Variants in SLC25A21 observed in about 807,000 individuals in gnomAD.
SLC25A21 encodes the protein mitochondrial 2-oxodicarboxylate carrier.
Under a neutral mutation model 43.8 loss-of-function variants are expected in SLC25A21, and 47 were observed. That is an observed-to-expected ratio of 1.07 (90% CI 0.85 to 1.37). The LOEUF is 1.37. SLC25A21 is among the 40% of genes most tolerant of loss of function. SLC25A21 has a pLI of 0.00. For synonymous variants in SLC25A21, 131 were observed against 121.3 expected (o/e 1.08, Z -0.52); for missense variants, 352 against 350.2 (o/e 1.00, Z -0.04).
chr14:36,943,816 C>T (rs188601732), intron 1 of SLC25A21, among the ~76,000 whole-genome samples: 11 of 152,210 alleles, frequency 7.2e-5, no homozygotes, highest in Admixed American at 5.9e-4. Flanking sequence ...TCTTATACCA[C>T]CTAACTGGGC....
At chr14:37,001,339 T>A (rs564789705) in intron 1 of SLC25A21, among the ~76,000 whole-genome samples, 1 of 152,148 alleles carries the variant, frequency 6.6e-6, no homozygotes, top group African/African-American at 2.4e-5. Context: ...CTGTAAGAAA[T>A]AGTATTATCA....
At chr14:37,039,288 A>G (rs547863400) in intron 1 of SLC25A21, among the ~76,000 whole-genome samples, 61 of 152,320 alleles carry the variant, frequency 4.0e-4, no homozygotes, top group African/African-American at 1.4e-3. Flanking sequence ...CAGACTGCAT[A>G]TATTTGAAAC....
At chr14:36,793,705 C>T (rs979574921) in intron 3 of SLC25A21, among the ~76,000 whole-genome samples, 1 of 151,936 alleles carries the variant, frequency 6.6e-6, no homozygotes, top group Non-Finnish European at 1.5e-5. Context: ...CTCAAAAATC[C>T]ACGTGCAGTT....
intron 1 of SLC25A21, among the ~76,000 whole-genome samples, chr14:37,142,022 G>T (rs1594814127): frequency 6.6e-6 from 1 of 152,162 alleles, no homozygotes; most frequent in Non-Finnish European, 1.5e-5. Context: ...TGATCCTAAA[G>T]TGTAGTCAAG....
chr14:36,848,786 C>T (rs938380562), intron 2 of SLC25A21, among the ~76,000 whole-genome samples: 1 of 152,174 alleles, frequency 6.6e-6, no homozygotes, highest in African/African-American at 2.4e-5. Flanking sequence ...TCAAGCAGAA[C>T]CTCATTTCCT....
At chr14:37,092,401 T>C (rs940976359) in intron 1 of SLC25A21, among the ~76,000 whole-genome samples, 5 of 152,220 alleles carry the variant, frequency 3.3e-5, no homozygotes, top group Non-Finnish European at 7.3e-5. Context: ...TTTGCTGTAG[T>C]GGACAGTAGT....
chr14:36,810,509 AG>A (rs1182000063), intron 3 of SLC25A21, among the ~76,000 whole-genome samples: 3 of 152,182 alleles, frequency 2.0e-5, no homozygotes, highest in African/African-American at 7.2e-5. Context: ...TTATCAACGT[AG>A]GGCATTTAGG....
At chr14:37,007,600 AAATAAT>A (rs140657266) in intron 1 of SLC25A21, among the ~76,000 whole-genome samples, 1 of 148,046 alleles carries the variant, frequency 6.8e-6, no homozygotes, top group African/African-American at 2.5e-5. Context: ...TCCCTCTCAA[AAATAAT>A]AATAATAATA....
At chr14:36,742,374 G>A (rs1299161115) in intron 3 of SLC25A21, among the ~76,000 whole-genome samples, 1 of 152,130 alleles carries the variant, frequency 6.6e-6, no homozygotes, top group Non-Finnish European at 1.5e-5. Context: ...GATGGATCGT[G>A]TATCCCAGAC....
intron 1 of SLC25A21, among the ~76,000 whole-genome samples, chr14:36,990,560 C>T (rs556873914): frequency 3.9e-5 from 6 of 152,134 alleles, no homozygotes; most frequent in African/African-American, 7.2e-5. Context: ...TTCCAAAGTA[C>T]AAAATATTAC....
chr14:36,761,578 A>T lies in SLC25A21; in HGVS notation c.204-27005T>A, dbSNP rs1886158857. 1.3e-5 allele frequency among the ~76,000 whole-genome samples: 2 copies of T among 152,242 alleles called. 1 individual carries two copies. The highest frequency in any genetic ancestry group is 4.1e-4 in the South Asian group (2 of 4,832). The stretch of plus-strand genomic sequence containing the variant: ...ACTACATTTTGTTGATAAAGTAACA[A>T]GCCAGTAATCTTAACTGGAGCCAGC... On this transcript the variant is annotated intron_variant, in intron 3 of 9. Coordinates refer to ENST00000331299, the MANE Select transcript of SLC25A21 (RefSeq NM_030631.4).
intron 1 of SLC25A21, among the ~76,000 whole-genome samples, chr14:37,071,544 T>C (rs537103286): frequency 1.1e-4 from 16 of 152,306 alleles, no homozygotes; most frequent in Middle Eastern, 3.4e-3. Context: ...CTTAACACTA[T>C]GTTTTTGATA....
chr14:36,848,979 T>C (rs1364417617), intron 2 of SLC25A21, among the ~76,000 whole-genome samples: 1 of 152,196 alleles, frequency 6.6e-6, no homozygotes, highest in South Asian at 2.1e-4. Flanking sequence ...AGATGATTCA[T>C]GGTAAACTTT....
intron 1 of SLC25A21, among the ~76,000 whole-genome samples, chr14:36,999,415 G>A (rs565187822): frequency 2.0e-5 from 3 of 152,190 alleles, no homozygotes; most frequent in South Asian, 4.1e-4. Context: ...GTGATTTTAG[G>A]GCAGTGAAAA....
intron 3 of SLC25A21, among the ~76,000 whole-genome samples, chr14:36,741,804 TAGG>T (rs1594542604): frequency 6.6e-6 from 1 of 152,116 alleles, no homozygotes; most frequent in East Asian, 1.9e-4. Context: ...AAGCATGAAA[TAGG>T]AGCGACAGGG....
intron 1 of SLC25A21, among the ~76,000 whole-genome samples, chr14:36,946,604 T>G (rs939890736): frequency 2.0e-5 from 3 of 152,192 alleles, no homozygotes; most frequent in African/African-American, 4.8e-5. Context: ...ATCTTAATGT[T>G]AAATACCAGG....
At chr14:36,838,830 A>G (rs74047021) in intron 2 of SLC25A21, among the ~76,000 whole-genome samples, 1,673 of 152,214 alleles carry the variant, frequency 0.011, 20 homozygotes, top group African/African-American at 0.038. Flanking sequence ...GTAGAAACAC[A>G]CCTTTCTCCC....
chr14:37,099,413 T>C (rs1962773735), intron 1 of SLC25A21, among the ~76,000 whole-genome samples: 6 of 152,150 alleles, frequency 3.9e-5, no homozygotes, highest in Admixed American at 3.3e-4. Context: ...ACTTAACACA[T>C]CAAAATATTC....
intron 1 of SLC25A21, among the ~76,000 whole-genome samples, chr14:36,989,155 C>G (rs977763527): frequency 6.6e-6 from 1 of 152,146 alleles, no homozygotes; most frequent in Non-Finnish European, 1.5e-5. Flanking sequence ...GGCTTTGCCA[C>G]TTGCTCTCCC....
Sources: allele counts gnomAD v4.1 joint callset (sites outside exome capture counted in the v4.1 genomes callset), GRCh38; gene constraint gnomAD v4.1.1; transcripts MANE v1.5; gene names NCBI Gene and HGNC (gene_info 2026-07-23, HGNC 2026-07-21).